Variants in TNPO1 observed in about 807,000 individuals in gnomAD.
The protein encoded by TNPO1 is transportin-1.
Under a neutral mutation model 119.5 loss-of-function variants are expected in TNPO1, and 8 were observed. That is an observed-to-expected ratio of 0.07 (90% CI 0.04 to 0.12). The LOEUF is 0.12. Among genes scored for constraint, TNPO1 ranks in the 10% least tolerant of loss-of-function variants. The pLI is 1.00. For missense variants in TNPO1, 576 were observed against 1,089.8 expected, an observed-to-expected ratio of 0.53 and a Z score of 6.64; for synonymous variants, 362 against 363.0, an observed-to-expected ratio of 1.00 and a Z score of 0.03.
intron 1 of TNPO1, among the ~76,000 whole-genome samples, chr5:72,829,485 T>C (rs551109329): frequency 6.6e-6 from 1 of 152,378 alleles, no homozygotes; most frequent in East Asian, 1.9e-4. Context: ...TAGCTTTCAA[T>C]CAGGTAACTT....
chr5:72,835,501 G>A (rs1275004885), intron 1 of TNPO1, among the ~76,000 whole-genome samples: 3 of 152,142 alleles, frequency 2.0e-5, no homozygotes, highest in Non-Finnish European at 4.4e-5. Context: ...GAAGGGATGT[G>A]CCCTCACATG....
Position 72,910,403 on chromosome 5 carries a change from CATAT to C in TNPO1, c.*1731_*1734del, listed in dbSNP as rs1750482515. ...TAACTGGTACACTTGATCTTGTGTT[CATAT>C]GAAAGTGCAAGTCTTTATTAATTTG... is the stretch of plus-strand genomic sequence containing the variant. On this transcript the variant is annotated 3_prime_UTR_variant, in exon 25 of 25. Transcript: ENST00000337273. 6.6e-6 allele frequency: 1 copy of C among 152,526 alleles called. No homozygotes were observed. Among genetic ancestry groups the C allele is most frequent in the Non-Finnish European group, 1.5e-5 (1 of 67,994 alleles). 9.4% of individuals were successfully genotyped at this position (152,526 alleles called of 1,614,324 possible).
chr5:72,883,459 A>G lies in TNPO1; in HGVS notation c.1150+227A>G, dbSNP rs7736396. Among the ~76,000 whole-genome samples the G allele has an allele frequency of 0.18, 28,062 of 152,156 alleles. 2,958 individuals carry two copies. The highest frequency in any genetic ancestry group is 0.28 in the African/African-American group (11,439 of 41,490). ...TGTTCACTGGCTCTGGGCAACTACTAGTCAATATTCTGTCTCTGGGTTTGC... is the reference window on the plus strand; with the variant it reads ...TGTTCACTGGCTCTGGGCAACTACTGGTCAATATTCTGTCTCTGGGTTTGC... On this transcript the variant is annotated intron_variant, in intron 11 of 24. Coordinates refer to ENST00000337273, the MANE Select transcript of TNPO1 (RefSeq NM_002270.4).
At chr5:72,873,824 TG>T (rs1364081964) in intron 7 of TNPO1, among the ~76,000 whole-genome samples, 4 of 152,146 alleles carry the variant, frequency 2.6e-5, no homozygotes, top group African/African-American at 9.6e-5. Context: ...CTTGTTGGAT[TG>T]TTATAAACCT....
intron 21 of TNPO1, 121 bp downstream of exon 21, chr5:72,900,202 T>C: frequency 1.2e-6 from 1 of 820,294 alleles, no homozygotes; most frequent in South Asian, 1.7e-5. Context: ...TTGCCAACCA[T>C]GTGACTAATC....
intron 24 of TNPO1, 93 bp from the exon 25 acceptor site, chr5:72,908,616 A>G (rs1294296699): frequency 1.3e-5 from 2 of 157,308 alleles, no homozygotes; most frequent in East Asian, 1.8e-4. Context: ...ATAGGTAAAG[A>G]TAGCATTCTT....
intron 15 of TNPO1, 149 bp from the exon 16 acceptor site, chr5:72,892,990 G>A (rs1749174244): frequency 1.8e-6 from 1 of 543,164 alleles, no homozygotes; most frequent in South Asian, 2.1e-5. Flanking sequence ...AAAAGAGAGG[G>A]TTGGGGTGGG....
At chr5:72,866,035 T>C (rs1746863140) in intron 6 of TNPO1, among the ~76,000 whole-genome samples, 1 of 151,898 alleles carries the variant, frequency 6.6e-6, no homozygotes, top group Admixed American at 6.6e-5. Context: ...TAGTTGTGGG[T>C]TTTTTGTTTT....
At chr5:72,884,397 C>CT (rs984412140) in intron 11 of TNPO1, among the ~76,000 whole-genome samples, 1 of 151,980 alleles carries the variant, frequency 6.6e-6, no homozygotes, top group African/African-American at 2.4e-5. Flanking sequence ...TTGCCACAAG[C>CT]TTTTTTGGTT....
Position 72,841,036 on chromosome 5 carries a change from G to A in TNPO1, c.16-7349G>A, listed in dbSNP as rs141216365. Among the ~76,000 whole-genome samples the A allele has an allele frequency of 4.0e-4, 61 of 151,760 alleles. No individual in the cohort carries two copies. The East Asian group carries it at 4.5e-3, about 11-fold the overall frequency. On this transcript the variant is annotated intron_variant, in intron 1 of 24. Transcript: ENST00000337273. ...TTCTAATCTAGTTGAGCTCATTTCC[G>A]TAACTAATATGAGCTCAACAGTTAG...
intron 19 of TNPO1, among the ~76,000 whole-genome samples, chr5:72,896,824 G>A (rs1292005712): frequency 6.6e-6 from 1 of 152,112 alleles, no homozygotes; most frequent in South Asian, 2.1e-4. Flanking sequence ...AGCTGAGATT[G>A]CACCACTGCA....
Position 72,854,796 on chromosome 5 carries a change from G to A in TNPO1, c.206-978G>A, listed in dbSNP as rs140686155. Among the ~76,000 whole-genome samples the A allele has an allele frequency of 6.0e-3, 911 of 152,162 alleles. 7 individuals are homozygous for A. Among genetic ancestry groups the A allele is most frequent in the African/African-American group, 0.021 (865 of 41,504 alleles). ...TTGAAAATTTGTAAATACTATCTAT[G>A]GATTAAACTTATTTTAAGAAAACTC... On this transcript the variant is annotated intron_variant, in intron 3 of 24. Transcript: ENST00000337273.
intron 1 of TNPO1, among the ~76,000 whole-genome samples, chr5:72,817,939 C>T (rs559372072): frequency 6.6e-6 from 1 of 152,284 alleles, no homozygotes; most frequent in South Asian, 2.1e-4. Flanking sequence ...ATCTGTTTTC[C>T]ACTTTCACCT....
intron 8 of TNPO1, among the ~76,000 whole-genome samples, chr5:72,876,728 T>A (rs1225252599): frequency 2.0e-5 from 3 of 152,184 alleles, no homozygotes. Context: ...CTGAACACTT[T>A]TCATTGAGTA....
intron 1 of TNPO1, among the ~76,000 whole-genome samples, chr5:72,820,639 G>C (rs533876281): frequency 6.6e-6 from 1 of 152,142 alleles, no homozygotes; most frequent in Non-Finnish European, 1.5e-5. Context: ...GGCTCAGAGC[G>C]TTCGAGCCTG....
chr5:72,869,415 C>T (rs1480005813), intron 6 of TNPO1, among the ~76,000 whole-genome samples: 1 of 152,024 alleles, frequency 6.6e-6, no homozygotes, highest in Non-Finnish European at 1.5e-5. Flanking sequence ...GGCATGGTGG[C>T]ATGCACCTGT....
chr5:72,870,840 G>A (rs1361637231), intron 6 of TNPO1, among the ~76,000 whole-genome samples: 1 of 151,998 alleles, frequency 6.6e-6, no homozygotes, highest in East Asian at 1.9e-4. Context: ...TGATTTAAAG[G>A]CCCTTTAAAA....
rs1749698244 is a variant in TNPO1 at position 72,900,020 on chromosome 5, C to T, written c.2353C>T (p.Arg785Cys). The T allele has an allele frequency of 6.2e-7, 1 of 1,613,820 alleles. No individual in the cohort carries two copies. Among genetic ancestry groups the T allele is most frequent in the Non-Finnish European group, 8.5e-7 (1 of 1,179,860 alleles). Residue 785 changes from arginine (R) to cysteine (C), a missense_variant, in exon 21 of 25, where the codon CGT (arginine) becomes TGT (cysteine). Coordinates refer to ENST00000337273, the MANE Select transcript of TNPO1 (RefSeq NM_002270.4). ...CGTTACCTTAGCAATAACAATTGGT[C>T]GTCTTGGTTACGTTTGTCCTCAAGA... ...LLENTAITIG[R>C]LGYVCPQEVA...
intron 3 of TNPO1, among the ~76,000 whole-genome samples, chr5:72,853,015 T>TG (rs1745700479): frequency 6.6e-6 from 1 of 152,234 alleles, no homozygotes; most frequent in Non-Finnish European, 1.5e-5. Flanking sequence ...TAAATTTATT[T>TG]TCACTAAGCT....
Sources: gnomAD v4.1 joint callset for allele counts (sites outside exome capture counted in the v4.1 genomes callset) on GRCh38, gnomAD v4.1.1 for gene constraint, MANE v1.5 for transcripts, NCBI Gene and HGNC (gene_info 2026-07-23, HGNC 2026-07-21) for gene names.